The following PDE4D variants were observed in gnomAD, a reference collection of about 807,000 sequenced individuals.
The protein encoded by PDE4D is 3',5'-cyclic-AMP phosphodiesterase 4D.
A neutral mutation model predicts 87.4 loss-of-function variants in PDE4D; 24 were observed. That is an observed-to-expected ratio of 0.27 (90% confidence interval 0.20 to 0.39). The LOEUF is 0.39. Ranked by LOEUF, PDE4D falls within the 10% of genes least tolerant of loss-of-function variation. The probability of loss-of-function intolerance (pLI) is 1.00; values close to 1 mark genes in which losing one functional copy is unlikely to be tolerated. For synonymous variants in PDE4D, 384 were observed against 383.2 expected (o/e 1.00, Z -0.02); for missense variants, 714 against 1,041.0 (o/e 0.69, Z 4.32).
At chr5:59,206,206 G>A (rs1748759901) in intron 2 of PDE4D, among the ~76,000 whole-genome samples, 1 of 152,198 alleles carries the variant, frequency 6.6e-6, no homozygotes, top group South Asian at 2.1e-4. Flanking sequence ...TGAACCTGGT[G>A]TGAATCATAC....
At chr5:59,070,689 T>G (rs1364099155) in intron 5 of PDE4D, among the ~76,000 whole-genome samples, 1 of 152,216 alleles carries the variant, frequency 6.6e-6, no homozygotes, top group African/African-American at 2.4e-5. Flanking sequence ...GTTTTCCTTC[T>G]TGAAAATTCT....
chr5:59,030,378 A>G (rs1349519911), intron 6 of PDE4D, among the ~76,000 whole-genome samples: 1 of 147,546 alleles, frequency 6.8e-6, no homozygotes, highest in Non-Finnish European at 1.5e-5. Context: ...ATCTGAATAG[A>G]CACACTTTCC....
chr5:59,752,996 C>A (rs1240401649), intron 1 of PDE4D, among the ~76,000 whole-genome samples: 1 of 152,136 alleles, frequency 6.6e-6, no homozygotes, highest in Non-Finnish European at 1.5e-5. Flanking sequence ...TTGGAACATG[C>A]TAATGTCCAT....
At position 58,970,321 on chromosome 5, in the gene PDE4D, A is replaced by G. The variant is rs1742395276; in HGVS notation, c.*4343T>C. 5 of 152,206 alleles carry G rather than the reference A, an allele frequency of 3.3e-5. No homozygotes were observed. The highest frequency in any genetic ancestry group is 3.3e-4 in the Admixed American group (5 of 15,282). 9.4% of individuals were successfully genotyped at this position (152,206 alleles called of 1,614,324 possible). On this transcript the variant is annotated 3_prime_UTR_variant, in exon 15 of 15. Transcript: ENST00000340635. ...TGTACTGTTTAAAACAAAAGTAATC[A>G]AATTCCTTTGGGCCAGGGCTGCTAA...
At chr5:60,103,859 G>A (rs1776521034) in intron 2 of PDE4D, among the ~76,000 whole-genome samples, 1 of 150,924 alleles carries the variant, frequency 6.6e-6, no homozygotes, top group Non-Finnish European at 1.5e-5. Context: ...TTAAAAACCT[G>A]AAAAAAAAAT....
At position 59,038,844 on chromosome 5, in the gene PDE4D, A is replaced by C. The variant is rs1235473489; in HGVS notation, c.921+15T>G. ...GCAGCCTGGGGGCACCAGTGACAGC[A>C]GAACCGGGGCTTACCTTGTTGGAGG... On this transcript the variant is annotated intron_variant, in intron 6 of 14. Coordinates refer to ENST00000340635, the MANE Select transcript of PDE4D (RefSeq NM_001104631.2). 3 of 1,502,228 alleles carry C rather than the reference A, an allele frequency of 2.0e-6. No homozygotes were observed. The allele number at this position is 1,502,228 out of a possible 1,614,324, so 93.1% of individuals were successfully genotyped here. A position where few individuals can be genotyped will look rare whatever the true frequency, so the allele number is the denominator to read the frequency against.
chr5:59,063,977 C>A (rs1283648619), intron 5 of PDE4D, among the ~76,000 whole-genome samples: 1 of 151,836 alleles, frequency 6.6e-6, no homozygotes, highest in Non-Finnish European at 1.5e-5. Flanking sequence ...TCCAAGGTAA[C>A]TACAAGGAAA....
At chr5:59,187,802 C>T (rs1390179353) in intron 3 of PDE4D, among the ~76,000 whole-genome samples, 1 of 151,916 alleles carries the variant, frequency 6.6e-6, no homozygotes, top group Middle Eastern at 3.2e-3. Context: ...GCAGGACAAA[C>T]TATTTTATAA....
intron 1 of PDE4D, among the ~76,000 whole-genome samples, chr5:59,225,168 AT>A (rs1382729776): frequency 6.6e-6 from 1 of 152,066 alleles, no homozygotes; most frequent in South Asian, 2.1e-4. Context: ...TCTTGAGTGG[AT>A]TTTTTGTGTA....
At chr5:59,282,643 C>CAA (rs60262509) in intron 1 of PDE4D, among the ~76,000 whole-genome samples, 1,003 of 37,330 alleles carry the variant, frequency 0.027, 1 homozygote, top group East Asian at 0.044. Context: ...AACTCCAGCT[C>CAA]AAAAAAAAAA....
chr5:60,498,341 C>G (rs1046389494), intron 1 of PDE4D, among the ~76,000 whole-genome samples: 1 of 152,210 alleles, frequency 6.6e-6, no homozygotes, highest in Non-Finnish European at 1.5e-5. Flanking sequence ...TCCACTGACT[C>G]CCTGGGCAGA....
chr5:59,575,641 A>G (rs557265199), intron 1 of PDE4D, among the ~76,000 whole-genome samples: 8 of 152,270 alleles, frequency 5.3e-5, no homozygotes, highest in Admixed American at 2.0e-4. Flanking sequence ...TATCCCCCCA[A>G]AAACATGGGC....
At chr5:59,888,966 G>A (rs966750267) in intron 1 of PDE4D, among the ~76,000 whole-genome samples, 4 of 151,900 alleles carry the variant, frequency 2.6e-5, no homozygotes, top group East Asian at 1.9e-4. Flanking sequence ...GGTGGCTTAC[G>A]TCTGTATCCC....
intron 1 of PDE4D, among the ~76,000 whole-genome samples, chr5:59,823,827 A>G (rs1021172580): frequency 3.4e-5 from 5 of 145,982 alleles, no homozygotes; most frequent in African/African-American, 1.3e-4. Flanking sequence ...ATTCTTTGGG[A>G]CCTTTGCTAT....
At chr5:59,606,529 C>A (rs776204958) in intron 1 of PDE4D, among the ~76,000 whole-genome samples, 3 of 151,978 alleles carry the variant, frequency 2.0e-5, no homozygotes, top group Non-Finnish European at 4.4e-5. Flanking sequence ...GCCCATGGAC[C>A]TGGAGAGTAA....
intron 1 of PDE4D, among the ~76,000 whole-genome samples, chr5:59,649,904 C>CTTGTTTTTTTTTTTTTTTTTTTTTTTT (rs1561402852): frequency 1.4e-5 from 1 of 73,958 alleles, no homozygotes; most frequent in African/African-American, 5.2e-5. Flanking sequence ...AGTTTGTGAA[C>CTTGTTTTTTTTTTTTTTTTTTTTTTTT]CTTTTTTTTT....
chr5:59,535,076 TGG>T (rs72213048), intron 1 of PDE4D, among the ~76,000 whole-genome samples: 37,623 of 107,580 alleles, frequency 0.35, 5,279 homozygotes, highest in Non-Finnish European at 0.43. Context: ...TGTGTGTGTG[TGG>T]GGGGGGGGTC....
intron 1 of PDE4D, among the ~76,000 whole-genome samples, chr5:60,494,645 C>G (rs1749716792): frequency 6.6e-6 from 1 of 152,170 alleles, no homozygotes; most frequent in South Asian, 2.1e-4. Context: ...CTCCCATCAA[C>G]TAAATCTTTT....
chr5:59,521,570 A>G (rs892969041), intron 1 of PDE4D, among the ~76,000 whole-genome samples: 1 of 152,160 alleles, frequency 6.6e-6, no homozygotes. Context: ...CTCCCAGCCA[A>G]TTACTGGCCT....
Sources: allele counts gnomAD v4.1 joint callset (sites outside exome capture counted in the v4.1 genomes callset), GRCh38; gene constraint gnomAD v4.1.1; transcripts MANE v1.5; gene names NCBI Gene and HGNC (gene_info 2026-07-23, HGNC 2026-07-21).